PDPN: variants seen among roughly 807,000 people sequenced by gnomAD.
PDPN encodes the protein podoplanin.
In PDPN, 12 loss-of-function variants were observed where a neutral mutation model predicts 23.2. That is an observed-to-expected ratio of 0.52 (90% CI 0.33 to 0.84). The LOEUF is 0.84. Among genes scored for constraint, PDPN ranks in the 40% least tolerant of loss-of-function variants. The pLI is 0.02. For missense variants in PDPN, 199 were observed against 212.2 expected, an observed-to-expected ratio of 0.94 and a Z score of 0.39; for synonymous variants, 77 against 76.7, an observed-to-expected ratio of 1.00 and a Z score of -0.02.
chr1:13,605,674 G>A (rs780356760), intron 1 of PDPN, among the ~76,000 whole-genome samples: 26 of 152,132 alleles, frequency 1.7e-4, no homozygotes, highest in Non-Finnish European at 1.0e-4. Context: ...CCAGGTTGGA[G>A]TGCAGTGGTG....
At position 13,610,431 on chromosome 1, in the gene PDPN, T is replaced by C; in HGVS notation, c.246T>C (p.Asp82=). The C allele has an allele frequency of 6.2e-7, 1 of 1,614,022 alleles. No individual in the cohort carries two copies. The highest frequency in any genetic ancestry group is 8.5e-7 in the Non-Finnish European group (1 of 1,179,916). ...GTGTAACAGGCATTCGCATCGAGGA[T>C]CTGCCAACTTCAGAAAGCACAGTCC... is the stretch of plus-strand genomic sequence containing the variant. ...VNSVTGIRIE[D]LPTSESTVHA... is the part of the protein sequence containing the mutation. The change falls in exon 3 of 6, where the codon GAT becomes GAC. Residue 82 remains aspartate, a synonymous_variant. Transcript: ENST00000621990.
rs149600662 is a variant in PDPN, at chr1:13,611,766, T to G, written c.331+1250T>G. On this transcript the variant is annotated intron_variant, in intron 3 of 5. Coordinates refer to ENST00000621990, the MANE Select transcript of PDPN (RefSeq NM_006474.5). ...GTTTTACCACAGTGTTGGCGGGGAG[T>G]GGGGGGAACCTTATAAAGGGCTTTG... Among the ~76,000 whole-genome samples the G allele has an allele frequency of 5.6e-3, 853 of 151,576 alleles. 5 individuals carry two copies. The highest frequency in any genetic ancestry group is 0.024 in the Middle Eastern group (7 of 294).
chr1:13,613,482 G>A (rs1168416839), intron 3 of PDPN, among the ~76,000 whole-genome samples: 1 of 149,952 alleles, frequency 6.7e-6, no homozygotes, highest in Non-Finnish European at 1.5e-5. Flanking sequence ...GTGAATAAGG[G>A]TTCATAAATT....
At chr1:13,588,921 T>C (rs1404371933) in intron 1 of PDPN, among the ~76,000 whole-genome samples, 1 of 121,140 alleles carries the variant, frequency 8.3e-6, no homozygotes, top group Non-Finnish European at 1.9e-5. Flanking sequence ...TGCCTTGGCC[T>C]CCCAGAGGGC....
intron 4 of PDPN, among the ~76,000 whole-genome samples, chr1:13,614,049 CA>C (rs1641003360): frequency 6.6e-6 from 1 of 151,992 alleles, no homozygotes; most frequent in South Asian, 2.1e-4. Flanking sequence ...AAACACTACC[CA>C]AAAATTAACA....
chr1:13,614,849 A>G, intron 5 of PDPN: 2 of 517,100 alleles, frequency 3.9e-6, no homozygotes, highest in Admixed American at 2.0e-5. Flanking sequence ...CCCCAGAAGG[A>G]CAAATGTCTA....
rs369333830 is a variant in PDPN at position 13,617,399 on chromosome 1, T to TG, written c.*1488_*1489insG. ...GGCCCCACCAGCTCAGATTCCATTT[T>TG]TTTTGTGTGTGTGTGTGAAACGTAG... On this transcript the variant is annotated 3_prime_UTR_variant, in exon 6 of 6. Coordinates refer to ENST00000621990, the MANE Select transcript of PDPN (RefSeq NM_006474.5). The TG allele has an allele frequency of 1.4e-5, 2 of 142,938 alleles. No homozygotes were observed. Among genetic ancestry groups the TG allele is most frequent in the African/African-American group, 6.1e-5 (2 of 32,674 alleles). 8.9% of individuals were successfully genotyped at this position (142,938 alleles called of 1,614,324 possible).
At position 13,617,835 on chromosome 1, in the gene PDPN, C is replaced by T. The variant is rs555475860; in HGVS notation, c.*1924C>T. 6 of 152,386 alleles carry T rather than the reference C, an allele frequency of 3.9e-5. No homozygotes were observed. The South Asian group carries it at 1.0e-3, about 26-fold the overall frequency. 9.4% of individuals were successfully genotyped at this position (152,386 alleles called of 1,614,324 possible). A position where few individuals can be genotyped will look rare whatever the true frequency, so the allele number is the denominator to read the frequency against. ...CCTCACTGTGAAAAATAACAGTCCACCCCAAGTCATACACTGGACCCAGTG... is the reference window on the plus strand; with the variant it reads ...CCTCACTGTGAAAAATAACAGTCCATCCCAAGTCATACACTGGACCCAGTG... On this transcript the variant is annotated 3_prime_UTR_variant, in exon 6 of 6. Transcript: ENST00000621990.
intron 1 of PDPN, 56 bp from the exon 2 acceptor site, chr1:13,607,117 T>C (rs1351540058): frequency 1.8e-5 from 27 of 1,538,528 alleles, no homozygotes; most frequent in Non-Finnish European, 2.3e-5. Flanking sequence ...AGCCGACAAG[T>C]TGGGTCTGCT....
At chr1:13,587,173 C>T (rs1640204204) in intron 1 of PDPN, among the ~76,000 whole-genome samples, 1 of 152,200 alleles carries the variant, frequency 6.6e-6, no homozygotes, top group African/African-American at 2.4e-5. Context: ...ACATTAAATG[C>T]TCCCCATAAT....
At chr1:13,586,283 G>A (rs1387130620) in intron 1 of PDPN, among the ~76,000 whole-genome samples, 1 of 152,192 alleles carries the variant, frequency 6.6e-6, no homozygotes, top group African/African-American at 2.4e-5. Flanking sequence ...AAATCCTCAT[G>A]AGTTGTTAAG....
intron 3 of PDPN, 139 bp from the exon 4 acceptor site, chr1:13,613,548 G>GATCCAATTTATTTAAGAAGCC: frequency 1.6e-6 from 1 of 635,246 alleles, no homozygotes. Context: ...AAAATCCCTG[G>GATCCAATTTATTTAAGAAGCC]ATCCAATTTA....
At chr1:13,586,172 C>A (rs950453794) in intron 1 of PDPN, among the ~76,000 whole-genome samples, 2 of 152,168 alleles carry the variant, frequency 1.3e-5, no homozygotes, top group Non-Finnish European at 2.9e-5. Flanking sequence ...TCGCTGCTAA[C>A]CCACATGTGC....
intron 1 of PDPN, among the ~76,000 whole-genome samples, chr1:13,594,802 C>T (rs1341275873): frequency 6.6e-6 from 1 of 150,420 alleles, no homozygotes; most frequent in African/African-American, 2.5e-5. Flanking sequence ...CTGGCTAACA[C>T]GGTGAAATCC....
At chr1:13,593,489 A>G (rs1353141279) in intron 1 of PDPN, among the ~76,000 whole-genome samples, 1 of 152,008 alleles carries the variant, frequency 6.6e-6, no homozygotes, top group African/African-American at 2.4e-5. Context: ...AAAAACAACT[A>G]TTTTCTAAAA....
At chr1:13,597,375 T>C (rs1379589740) in intron 1 of PDPN, among the ~76,000 whole-genome samples, 1 of 152,222 alleles carries the variant, frequency 6.6e-6, no homozygotes, top group Non-Finnish European at 1.5e-5. Context: ...TGTTGACTAA[T>C]ACCCTGGGTT....
chr1:13,595,103 C>A (rs1292270192), intron 1 of PDPN, among the ~76,000 whole-genome samples: 1 of 151,996 alleles, frequency 6.6e-6, no homozygotes, highest in Non-Finnish European at 1.5e-5. Context: ...ATTAAAACAC[C>A]TCGTGGATTG....
Position 13,616,108 on chromosome 1 carries a change from T to G in PDPN, c.*197T>G. On this transcript the variant is annotated 3_prime_UTR_variant, in exon 6 of 6. Transcript: ENST00000621990. Reference sequence around the variant, plus strand: ...CACCAGACTTGGCTCCTCTAAACATTTGCTGTTCAAACATGTTTTTGAATA... The same window carrying G: ...CACCAGACTTGGCTCCTCTAAACATGTGCTGTTCAAACATGTTTTTGAATA... The G allele has an allele frequency of 1.7e-6, 1 of 604,442 alleles. No homozygotes were observed. Among genetic ancestry groups the G allele is most frequent in the Non-Finnish European group, 3.0e-6 (1 of 334,496 alleles). The allele number at this position is 604,442 out of a possible 1,614,324, so 37.4% of individuals were successfully genotyped here.
intron 1 of PDPN, chr1:13,585,486 G>A (rs1296704093): frequency 3.7e-6 from 5 of 1,337,248 alleles, no homozygotes; most frequent in South Asian, 2.3e-5. Context: ...ATGTGCAAAT[G>A]ACACCGTTTT....
Sources: allele counts gnomAD v4.1 joint callset (sites outside exome capture counted in the v4.1 genomes callset), GRCh38; gene constraint gnomAD v4.1.1; transcripts MANE v1.5; gene names NCBI Gene and HGNC (gene_info 2026-07-23, HGNC 2026-07-21).